The following FZD6 variants were observed in gnomAD, a reference collection of about 807,000 sequenced individuals.
FZD6 encodes frizzled-6.
FZD6 carries 49 observed loss-of-function variants against 61.4 expected under a neutral mutation model. That is an observed-to-expected ratio of 0.80 (90% CI 0.63 to 1.01). The LOEUF (loss-of-function observed/expected upper bound fraction) is 1.01, where lower values mean the gene tolerates loss of function less well. Among genes scored for constraint, FZD6 ranks in the 50% least tolerant of loss-of-function variants. The pLI, the probability that FZD6 is intolerant of heterozygous loss-of-function variation, is 0.00. For missense variants in FZD6, 724 were observed against 848.2 expected (o/e 0.85, Z 1.82); for synonymous variants, 265 against 292.2 (o/e 0.91, Z 0.95).
intron 2 of FZD6, among the ~76,000 whole-genome samples, chr8:103,313,625 T>G (rs1354288790): frequency 6.6e-6 from 1 of 152,226 alleles, no homozygotes; most frequent in Non-Finnish European, 1.5e-5. Context: ...CAGACACACA[T>G]ACACTTCGAA....
chr8:103,307,185 A>G lies in FZD6; in HGVS notation c.177+6901A>G, dbSNP rs370445894. On this transcript the variant is annotated intron_variant, in intron 2 of 6. Transcript: ENST00000358755. ...GTTATGCTTTATATATTTTTAAGAA[A>G]CCAAATAGTTCCTTCTTTTGACCCC... Among the ~76,000 whole-genome samples, 10 of 152,316 alleles carry G rather than the reference A, an allele frequency of 6.6e-5. No individual in the cohort carries two copies. The East Asian group carries it at 1.3e-3, about 21-fold the overall frequency.
At chr8:103,313,205 T>C (rs1356837964) in intron 2 of FZD6, among the ~76,000 whole-genome samples, 1 of 152,198 alleles carries the variant, frequency 6.6e-6, no homozygotes, top group Non-Finnish European at 1.5e-5. Context: ...GAAAATGGTA[T>C]ATGAAAAAGC....
chr8:103,330,581 C>CT (rs1265716250), intron 6 of FZD6, among the ~76,000 whole-genome samples: 2 of 152,226 alleles, frequency 1.3e-5, no homozygotes, highest in Non-Finnish European at 2.9e-5. Flanking sequence ...TCCTCTCAGA[C>CT]TAGGCTAAAT....
In FZD6 at chr8:103,325,441, G is replaced by GATCT. The variant is rs1814925453; in HGVS notation, c.1335_1336insATCT (p.Glu446IlefsTer2). The GATCT allele has an allele frequency of 1.1e-5, 18 of 1,613,516 alleles. No homozygotes were observed. The highest frequency in any genetic ancestry group is 1.5e-5 in the Non-Finnish European group (18 of 1,179,630). On this transcript the variant is annotated frameshift_variant, in exon 4 of 7. Transcript: ENST00000358755. LOFTEE classifies it high-confidence loss of function. ...ATGAGCAAGTGAACAGGATTACCTGGGAGATAACTTGGGTCTCTGATCATT... is the reference window on the plus strand; with the variant it reads ...ATGAGCAAGTGAACAGGATTACCTGGATCTGAGATAACTTGGGTCTCTGATCATT...
At chr8:103,327,679 A>G (rs149576302) in intron 4 of FZD6, among the ~76,000 whole-genome samples, 11 of 152,264 alleles carry the variant, frequency 7.2e-5, no homozygotes, top group African/African-American at 2.6e-4. Context: ...AAATATTAGT[A>G]AGTAAAAAAG....
chr8:103,300,958 T>A (rs549675914), intron 2 of FZD6, among the ~76,000 whole-genome samples: 1 of 152,298 alleles, frequency 6.6e-6, no homozygotes, highest in African/African-American at 2.4e-5. Flanking sequence ...GAAAGCTACC[T>A]GTACAGACAG....
At position 103,304,444 on chromosome 8, in the gene FZD6, G is replaced by A. The variant is rs2948448; in HGVS notation, c.177+4160G>A. Among the ~76,000 whole-genome samples, 1,105 of 152,286 alleles carry A rather than the reference G, an allele frequency of 7.3e-3. 4 individuals carry two copies. The highest frequency in any genetic ancestry group is 0.013 in the Non-Finnish European group (865 of 68,024). Reference sequence around the variant, plus strand: ...GAATCATGATCTCTGAAGATGGAGCGCAGCTGTGGTTTCACAAGCTGCCCA... The same window carrying A: ...GAATCATGATCTCTGAAGATGGAGCACAGCTGTGGTTTCACAAGCTGCCCA... On this transcript the variant is annotated intron_variant, in intron 2 of 6. Transcript: ENST00000358755.
intron 4 of FZD6, among the ~76,000 whole-genome samples, chr8:103,327,939 T>C (rs1054113473): frequency 4.6e-5 from 7 of 152,134 alleles, no homozygotes; most frequent in African/African-American, 1.4e-4. Flanking sequence ...AATAGGTACA[T>C]ATTTAGAGGC....
chr8:103,330,099 T>C (rs1413997628), intron 6 of FZD6, 34 bp downstream of exon 6: 1 of 1,536,426 alleles, frequency 6.5e-7, no homozygotes, highest in South Asian at 1.1e-5. Flanking sequence ...TCATCACTAT[T>C]TTAAATACTG....
At position 103,318,584 on chromosome 8, in the gene FZD6, T is replaced by C; in HGVS notation, c.178-6T>C. ...TTTTCTAACTGTATCTTGATGTCTT[T>C]AATAGCATTTTCTTCCTCTCGCAAA... On this transcript the variant is annotated splice_region_variant and splice_polypyrimidine_tract_variant and intron_variant, in intron 2 of 6. Transcript: ENST00000358755. The C allele has an allele frequency of 6.5e-7, 1 of 1,543,938 alleles. No individual in the cohort carries two copies. The highest frequency in any genetic ancestry group is 9.0e-7 in the Non-Finnish European group (1 of 1,116,194).
intron 6 of FZD6, among the ~76,000 whole-genome samples, chr8:103,330,356 T>G (rs1040630607): frequency 1.3e-5 from 2 of 152,242 alleles, no homozygotes; most frequent in African/African-American, 4.8e-5. Flanking sequence ...GGCTAAGTTT[T>G]AATTAATACT....
chr8:103,330,638 A>G (rs1044137043), intron 6 of FZD6, among the ~76,000 whole-genome samples: 1 of 152,194 alleles, frequency 6.6e-6, no homozygotes, highest in Non-Finnish European at 1.5e-5. Flanking sequence ...TTTGGATTGT[A>G]ATTAGATACA....
At chr8:103,320,428 G>A (rs1176046682) in intron 3 of FZD6, among the ~76,000 whole-genome samples, 2 of 152,132 alleles carry the variant, frequency 1.3e-5, no homozygotes, top group East Asian at 1.9e-4. Context: ...GGTTTTGTCA[G>A]ATGGATTCAG....
chr8:103,329,934 C>A lies in FZD6; in HGVS notation c.1821C>A (p.Thr607=), dbSNP rs778943360. Residue 607 remains threonine (T), a synonymous_variant, in exon 6 of 7, where the codon ACC becomes ACA. Coordinates refer to ENST00000358755, the MANE Select transcript of FZD6 (RefSeq NM_003506.4). Reference sequence around the variant, plus strand: ...AGGTGAAAGCGGACGGAGCTAGCACCCCCAGGTTAAGAGAACAGGACTGTG... The same window carrying A: ...AGGTGAAAGCGGACGGAGCTAGCACACCCAGGTTAAGAGAACAGGACTGTG... ...MREVKADGAS[T]PRLREQDCGE... The A allele has an allele frequency of 2.5e-6, 4 of 1,614,082 alleles. No individual in the cohort carries two copies. The highest frequency in any genetic ancestry group is 3.4e-6 in the Non-Finnish European group (4 of 1,180,004).
At chr8:103,327,850 A>G (rs1299369536) in intron 4 of FZD6, among the ~76,000 whole-genome samples, 1 of 152,082 alleles carries the variant, frequency 6.6e-6, no homozygotes, top group African/African-American at 2.4e-5. Context: ...TAATATAAAT[A>G]TTAATAACGT....
At chr8:103,317,838 A>AAAAG (rs1250100467) in intron 2 of FZD6, among the ~76,000 whole-genome samples, 1,228 of 76,018 alleles carry the variant, frequency 0.016, 28 homozygotes, top group African/African-American at 0.067. Flanking sequence ...AAAAAAAAAA[A>AAAAG]AAAGAAAGAA....
At chr8:103,305,168 G>C (rs1285670979) in intron 2 of FZD6, among the ~76,000 whole-genome samples, 1 of 152,198 alleles carries the variant, frequency 6.6e-6, no homozygotes, top group East Asian at 1.9e-4. Flanking sequence ...TCCAGAAAGA[G>C]CTGAGACTGA....
intron 2 of FZD6, among the ~76,000 whole-genome samples, chr8:103,300,493 G>A (rs1814131698): frequency 6.6e-6 from 1 of 151,960 alleles, no homozygotes; most frequent in African/African-American, 2.4e-5. Flanking sequence ...GTTTGAATAG[G>A]GTTCATTTTA....
At chr8:103,301,182 A>C (rs539003403) in intron 2 of FZD6, among the ~76,000 whole-genome samples, 1 of 152,150 alleles carries the variant, frequency 6.6e-6, no homozygotes, top group Non-Finnish European at 1.5e-5. Flanking sequence ...AAAGTTTTCT[A>C]TTGTTGTTCA....
Sources: gnomAD v4.1 joint callset for allele counts (sites outside exome capture counted in the v4.1 genomes callset) on GRCh38, gnomAD v4.1.1 for gene constraint, MANE v1.5 for transcripts, NCBI Gene and HGNC (gene_info 2026-07-23, HGNC 2026-07-21) for gene names.